The following GPHN variants were observed in gnomAD, a reference collection of about 807,000 sequenced individuals.
The protein encoded by GPHN is gephyrin.
A neutral mutation model predicts 95.5 loss-of-function variants in GPHN; 17 were observed. The observed-to-expected ratio is 0.18, with a 90% confidence interval of 0.12 to 0.27. GPHN has a LOEUF of 0.27. Among genes scored for constraint, GPHN ranks in the 10% least tolerant of loss-of-function variants. The probability of loss-of-function intolerance (pLI) is 1.00; values close to 1 mark genes in which losing one functional copy is unlikely to be tolerated. For missense variants in GPHN, 660 were observed against 978.1 expected, an observed-to-expected ratio of 0.67 and a Z score of 4.34; for synonymous variants, 320 against 322.5, an observed-to-expected ratio of 0.99 and a Z score of 0.08.
At chr14:67,623,414 G>A in the GPHN span, among the ~76,000 whole-genome samples, 5 of 151,692 alleles carry the variant, frequency 3.3e-5, no homozygotes, top group African/African-American at 9.7e-5. Flanking sequence ...GGCTGCCGGT[G>A]TTACCATAGC....
chr14:67,279,666 T>A, the GPHN span: 1 of 917,056 alleles, frequency 1.1e-6, no homozygotes, highest in Admixed American at 3.4e-5. Flanking sequence ...ACCAAGATCC[T>A]TTGTTTTCGT....
intron 1 of GPHN, among the ~76,000 whole-genome samples, chr14:66,516,409 A>G (rs2058249959): frequency 6.6e-6 from 1 of 152,156 alleles, no homozygotes; most frequent in Non-Finnish European, 1.5e-5. Context: ...GGTTTTACCC[A>G]CTTGCCCTTC....
chr14:67,473,175 A>G, the GPHN span: 1 of 539,954 alleles, frequency 1.9e-6, no homozygotes, highest in South Asian at 2.1e-5. The surrounding 1 kb of genome is among the most constrained non-coding windows in gnomAD (Gnocchi z 6.5). Flanking sequence ...CCAACCCCTG[A>G]ACTGGGCCGC....
intron 1 of GPHN, among the ~76,000 whole-genome samples, chr14:66,578,001 T>C (rs1310400167): frequency 6.6e-6 from 1 of 151,930 alleles, no homozygotes. Flanking sequence ...AATCTCTGAC[T>C]CATTTCTCCT....
chr14:66,757,652 A>C (rs2058613047), intron 2 of GPHN, among the ~76,000 whole-genome samples: 1 of 152,134 alleles, frequency 6.6e-6, no homozygotes, highest in South Asian at 2.1e-4. Context: ...AGCCTCCCAA[A>C]GTGTTGGGAT....
chr14:67,571,063 G>A, the GPHN span: 3 of 152,270 alleles, frequency 2.0e-5, no homozygotes, highest in African/African-American at 4.8e-5. Flanking sequence ...CCTTGGTATC[G>A]AAGCACCATA....
At chr14:67,279,789 GC>G in the GPHN span, 3 of 379,362 alleles carry the variant, frequency 7.9e-6, no homozygotes, top group Non-Finnish European at 1.4e-5. Context: ...TTCTGCATGG[GC>G]CCTAACATTT....
At chr14:67,389,582 A>ATATATATG in the GPHN span, among the ~76,000 whole-genome samples, 1 of 152,096 alleles carries the variant, frequency 6.6e-6, no homozygotes, top group Non-Finnish European at 1.5e-5. Context: ...GCATGTGTAC[A>ATATATATG]TATATATGTA....
the GPHN span, among the ~76,000 whole-genome samples, chr14:67,238,899 T>A: frequency 1.3e-5 from 2 of 152,154 alleles, no homozygotes; most frequent in Non-Finnish European, 1.5e-5. Flanking sequence ...CACCTTGGCA[T>A]CCCAAAGTGC....
the GPHN span, among the ~76,000 whole-genome samples, chr14:67,262,317 T>C: frequency 6.6e-6 from 1 of 152,162 alleles, no homozygotes; most frequent in East Asian, 1.9e-4. Context: ...AATGCAATAA[T>C]TAAAAAATAG....
chr14:67,382,782 G>T, the GPHN span: 1 of 587,428 alleles, frequency 1.7e-6, no homozygotes. Context: ...TAAATGAGAA[G>T]TTTTTTTATG....
chr14:67,019,451 G>A lies in GPHN; in HGVS notation c.964-4182G>A, dbSNP rs2073485719. 2.0e-5 allele frequency among the ~76,000 whole-genome samples: 3 copies of A among 152,096 alleles called. No individual in the cohort carries two copies. In the South Asian group the frequency reaches 6.2e-4, roughly 32 times the overall value. On this transcript the variant is annotated intron_variant, in intron 9 of 22. Transcript: ENST00000478722. ...CCAAGTGCTCAGAATTTTTCAATAT[G>A]AACCATACTGTATACCATTTACAAG... is the stretch of plus-strand genomic sequence containing the variant.
At chr14:67,344,873 T>G in the GPHN span, among the ~76,000 whole-genome samples, 1 of 145,180 alleles carries the variant, frequency 6.9e-6, no homozygotes, top group Non-Finnish European at 1.5e-5. Flanking sequence ...AGAGCAAGAT[T>G]CTGTCTCAAA....
chr14:67,630,278 T>G, the GPHN span, among the ~76,000 whole-genome samples: 1 of 152,190 alleles, frequency 6.6e-6, no homozygotes, highest in East Asian at 1.9e-4. Context: ...AGAAAAATAG[T>G]TCATTTCACT....
the GPHN span, among the ~76,000 whole-genome samples, chr14:67,388,517 A>T: frequency 6.6e-6 from 1 of 152,176 alleles, no homozygotes; most frequent in Non-Finnish European, 1.5e-5. Flanking sequence ...GTGCCCATCA[A>T]TGTTGCAGTT....
At chr14:66,570,958 T>C (rs1040887692) in intron 1 of GPHN, among the ~76,000 whole-genome samples, 1 of 152,186 alleles carries the variant, frequency 6.6e-6, no homozygotes, top group East Asian at 1.9e-4. Context: ...TTTTTTAACC[T>C]GGTTATTTTC....
chr14:67,615,887 A>T, the GPHN span: 1 of 602,604 alleles, frequency 1.7e-6, no homozygotes. Context: ...GTGGAATAAC[A>T]CTGCTGCAGA....
Position 67,102,922 on chromosome 14 carries a change from A to G in GPHN, c.1293+2011A>G, listed in dbSNP as rs554506061. Among the ~76,000 whole-genome samples the G allele has an allele frequency of 2.6e-5, 4 of 152,308 alleles. No individual in the cohort carries two copies. In the South Asian group the frequency reaches 6.2e-4, roughly 24 times the overall value. On this transcript the variant is annotated intron_variant, in intron 13 of 22. Transcript: ENST00000478722. Reference sequence around the variant, plus strand: ...AGCTAAGTTGGCACTATAGTGATACATATTCTCATCCATACTGCACCAAGC... The same window carrying G: ...AGCTAAGTTGGCACTATAGTGATACGTATTCTCATCCATACTGCACCAAGC...
chr14:67,057,630 A>C (rs2075655250), intron 10 of GPHN, among the ~76,000 whole-genome samples: 1 of 152,118 alleles, frequency 6.6e-6, no homozygotes, highest in Non-Finnish European at 1.5e-5. Flanking sequence ...TAACAGAACC[A>C]TCAGGTGGTT....
Sources: allele counts gnomAD v4.1 joint callset (sites outside exome capture counted in the v4.1 genomes callset), GRCh38; gene constraint gnomAD v4.1.1; non-coding constraint Gnocchi (gnomAD v3.1); transcripts MANE v1.5; gene names NCBI Gene and HGNC (gene_info 2026-07-23, HGNC 2026-07-21).